Variants in ASPH observed in about 807,000 individuals in gnomAD.
The protein encoded by ASPH is aspartate beta-hydroxylase, also known as aspartyl/asparaginyl beta-hydroxylase.
A neutral mutation model predicts 118.4 loss-of-function variants in ASPH; 100 were observed. That is an observed-to-expected ratio of 0.84 (90% CI 0.72 to 1.00). The LOEUF (loss-of-function observed/expected upper bound fraction) is 1.00, where lower values mean the gene tolerates loss of function less well. Among genes scored for constraint, ASPH ranks in the 50% least tolerant of loss-of-function variants. ASPH has a pLI of 0.00. For synonymous variants in ASPH, 315 were observed against 325.6 expected (o/e 0.97, Z 0.35); for missense variants, 920 against 919.5 (o/e 1.00, Z -0.01).
At chr8:61,523,942 A>T (rs1461427157) in intron 22 of ASPH, among the ~76,000 whole-genome samples, 1 of 152,200 alleles carries the variant, frequency 6.6e-6, no homozygotes, top group Non-Finnish European at 1.5e-5. Context: ...ACATTTAAAA[A>T]TTAGCCAGGT....
Position 61,553,109 on chromosome 8 carries a change from T to G in ASPH, c.1548A>C (p.Glu516Asp). Residue 516 changes from glutamate to aspartate, a missense_variant, in exon 20 of 25, where the codon GAA becomes GAC. Coordinates refer to ENST00000379454, the MANE Select transcript of ASPH (RefSeq NM_004318.4). Reference protein sequence around the residue: ...ESIPYLKEGIESGDPGTDDGR... With the variant: ...ESIPYLKEGIDSGDPGTDDGR... ...CATCATCAGTGCCAGGATCTCCGGA[T>G]TCTATTCCTTCCTGTAGAAAGGACA... 3 of 1,612,894 alleles carry G rather than the reference T, an allele frequency of 1.9e-6. No individual in the cohort carries two copies. Among genetic ancestry groups the G allele is most frequent in the Non-Finnish European group, 2.5e-6 (3 of 1,178,956 alleles).
intron 21 of ASPH, among the ~76,000 whole-genome samples, chr8:61,527,596 T>C (rs907368754): frequency 1.8e-4 from 27 of 152,218 alleles, no homozygotes; most frequent in African/African-American, 5.8e-4. Flanking sequence ...CAATGAGATG[T>C]GGGGAGGCCA....
chr8:61,660,204 G>A (rs1042621249), intron 3 of ASPH: 2 of 151,966 alleles, frequency 1.3e-5, no homozygotes, highest in African/African-American at 4.8e-5. Context: ...TTATGCCCAT[G>A]AGTACCCAAT....
chr8:61,702,994 C>T (rs1177955606), intron 1 of ASPH, among the ~76,000 whole-genome samples: 3 of 152,150 alleles, frequency 2.0e-5, no homozygotes, highest in Non-Finnish European at 4.4e-5. Context: ...TACAGACCCA[C>T]ATCTAACATA....
chr8:61,588,686 C>T (rs1284245688), intron 14 of ASPH, among the ~76,000 whole-genome samples: 2 of 152,202 alleles, frequency 1.3e-5, no homozygotes, highest in East Asian at 3.8e-4. Context: ...GCTGAAAATA[C>T]ACCCATAGAT....
intron 13 of ASPH, among the ~76,000 whole-genome samples, chr8:61,628,923 A>T (rs1854272041): frequency 6.6e-6 from 1 of 152,214 alleles, no homozygotes; most frequent in East Asian, 1.9e-4. Flanking sequence ...TATATATATA[A>T]AGCACTTATG....
intron 3 of ASPH, chr8:61,675,701 G>A (rs956780153): frequency 3.3e-5 from 33 of 1,013,132 alleles, no homozygotes; most frequent in Non-Finnish European, 3.8e-5. Context: ...AATTAATAGT[G>A]TGTTAGAAAG....
rs138378754 is a variant in ASPH, at chr8:61,684,124, C to T, written c.168G>A (p.Thr56=). Residue 56 remains threonine, a synonymous_variant, in exon 2 of 25, where the codon ACG becomes ACA. Transcript: ENST00000379454. Reference sequence around the variant, plus strand: ...CCAGCAATGCAATCACCATAAACCACGTGAAGAATGAAGTTCCTGAGAGTC... The same window carrying T: ...CCAGCAATGCAATCACCATAAACCATGTGAAGAATGAAGTTCCTGAGAGTC... The part of the protein sequence containing the change: ...KGGLSGTSFF[T]WFMVIALLGV... 1.2e-5 allele frequency: 19 copies of T among 1,613,548 alleles called. No homozygotes were observed. In the East Asian group the frequency reaches 2.5e-4, roughly 21 times the overall value.
intron 19 of ASPH, 24 bp from the exon 20 acceptor site, chr8:61,553,144 T>C: frequency 6.5e-7 from 1 of 1,536,562 alleles, no homozygotes; most frequent in African/African-American, 1.4e-5. Flanking sequence ...AGTGTTAGTA[T>C]GGGTAAAATA....
chr8:61,518,651 A>T (rs1247918767), intron 22 of ASPH, among the ~76,000 whole-genome samples: 1 of 152,222 alleles, frequency 6.6e-6, no homozygotes. Context: ...GGAAGAGAAA[A>T]TACTTTTACA....
At chr8:61,517,816 A>T (rs1811457068) in intron 23 of ASPH, among the ~76,000 whole-genome samples, 155 bp from the exon 24 acceptor site, 1 of 152,232 alleles carries the variant, frequency 6.6e-6, no homozygotes, top group African/African-American at 2.4e-5. Flanking sequence ...TGAAGGAACT[A>T]AAAATAAGCA....
intron 3 of ASPH, among the ~76,000 whole-genome samples, chr8:61,670,848 T>A (rs563294204): frequency 1.3e-5 from 2 of 150,474 alleles, no homozygotes; most frequent in African/African-American, 4.9e-5. Context: ...GAGAAGAAAA[T>A]AATGGAATGA....
chr8:61,675,511 G>T, intron 3 of ASPH: 1 of 981,580 alleles, frequency 1.0e-6, no homozygotes, highest in African/African-American at 1.7e-5. Flanking sequence ...CATTAACACA[G>T]AATTTTACAT....
rs768329556 is a variant in ASPH at position 61,503,398 on chromosome 8, T to C, written c.2238A>G (p.Glu746=). The C allele has an allele frequency of 6.2e-7, 1 of 1,612,512 alleles. No individual in the cohort carries two copies. Among genetic ancestry groups the C allele is most frequent in the South Asian group, 1.1e-5 (1 of 90,746 alleles). The change falls in exon 25 of 25, where the codon GAA becomes GAG. Residue 746 remains glutamate (E), a synonymous_variant. Coordinates refer to ENST00000379454, the MANE Select transcript of ASPH (RefSeq NM_004318.4). ...GGCTGCGTCTCTGCTGTGGTGTCAG[T>C]TCCGGATGCCACACATCCACGATGA... ...LIFIVDVWHP[E]LTPQQRRSLP...
intron 14 of ASPH, 117 bp downstream of exon 14, chr8:61,618,861 C>T: frequency 1.2e-6 from 1 of 847,462 alleles, no homozygotes; most frequent in Non-Finnish European, 1.8e-6. Context: ...ATAACAAACC[C>T]AGGAGCAAAT....
chr8:61,607,339 G>T lies in ASPH; in HGVS notation c.976+11639C>A, dbSNP rs1197598481. ...ATGAGTCCTCTGTAAATGAAAGTGT[G>T]TCGGAATATATATAATTCTTTCTCC... On this transcript the variant is annotated intron_variant, in intron 14 of 24. Transcript: ENST00000379454. 4 of 699,166 alleles carry T rather than the reference G, an allele frequency of 5.7e-6. No individual in the cohort carries two copies. In the South Asian group the frequency reaches 6.0e-5, roughly 10 times the overall value. 43.3% of individuals were successfully genotyped at this position (699,166 alleles called of 1,614,324 possible). A position where few individuals can be genotyped will look rare whatever the true frequency, so the allele number is the denominator to read the frequency against.
intron 14 of ASPH, among the ~76,000 whole-genome samples, 157 bp from the exon 15 acceptor site, chr8:61,584,186 G>A (rs533282236): frequency 6.8e-4 from 103 of 152,258 alleles, no homozygotes; most frequent in African/African-American, 2.2e-3. Context: ...TCCTCCCCTA[G>A]ATGGTGTGAT....
At chr8:61,619,047 G>T in intron 13 of ASPH, 28 bp from the exon 14 acceptor site, 3 of 1,505,304 alleles carry the variant, frequency 2.0e-6, no homozygotes, top group Non-Finnish European at 2.8e-6. Flanking sequence ...AACATAGTAA[G>T]TACTATGCAA....
chr8:61,556,107 G>A (rs1587012559), intron 18 of ASPH, 85 bp from the exon 19 acceptor site: 1 of 1,107,426 alleles, frequency 9.0e-7, no homozygotes, highest in East Asian at 2.5e-5. Flanking sequence ...GTCAAAACCA[G>A]TTTTAATTAG....
Sources: allele counts gnomAD v4.1 joint callset (sites outside exome capture counted in the v4.1 genomes callset), GRCh38; gene constraint gnomAD v4.1.1; transcripts MANE v1.5; gene names NCBI Gene and HGNC (gene_info 2026-07-23, HGNC 2026-07-21).